ENHO: variants seen among roughly 807,000 people sequenced by gnomAD.
The protein encoded by ENHO is adropin.
Under a neutral mutation model 4.1 loss-of-function variants are expected in ENHO, and 5 were observed. The ratio of observed to expected loss-of-function variants is 1.23; its 90% CI spans 0.64 to 2.58. The LOEUF is 2.58. Ranked by LOEUF, ENHO falls within the 30% of genes most tolerant of loss-of-function variation. The pLI is 0.01. For missense variants in ENHO, 86 were observed against 97.7 expected, an observed-to-expected ratio of 0.88 and a Z score of 0.51; for synonymous variants, 45 against 42.9, an observed-to-expected ratio of 1.05 and a Z score of -0.19.
Position 34,521,678 on chromosome 9 carries a change from G to A in ENHO, c.18C>T (p.Ser6=), listed in dbSNP as rs1462342594. MGAAI[S]QGALIAIVCN... ...AGACGATGGCGATGAGGGCCCCCTG[G>A]GAGATGGCTGCCCCCATGACAGGCA... The change falls in exon 2 of 2, where the codon TCC becomes TCT. Residue 6 remains serine (S), a synonymous_variant. Coordinates refer to ENST00000399775, the MANE Select transcript of ENHO (RefSeq NM_198573.3). 6.2e-7 allele frequency: 1 copy of A among 1,613,758 alleles called. No individual in the cohort carries two copies.
Position 34,521,572 on chromosome 9 carries a change from C to A in ENHO, c.124G>T (p.Asp42Tyr). The A allele has an allele frequency of 6.2e-7, 1 of 1,614,016 alleles. No individual in the cohort carries two copies. The highest frequency in any genetic ancestry group is 1.1e-5 in the South Asian group (1 of 91,082). Residue 42 changes from aspartate (D) to tyrosine (Y), a missense_variant, in exon 2 of 2, where the codon GAC (aspartate) becomes TAC (tyrosine). Coordinates refer to ENST00000399775, the MANE Select transcript of ENHO (RefSeq NM_198573.3). Reference sequence around the variant, plus strand: ...TTGGGACTGGATTCAGAGAGAGAGTCAACGTCGGCAGAGCGAGAATGGCAG... The same window carrying A: ...TTGGGACTGGATTCAGAGAGAGAGTAAACGTCGGCAGAGCGAGAATGGCAG... ...WACHSRSADV[D>Y]SLSESSPNSS...
In ENHO at chr9:34,521,611, T is replaced by G. The variant is rs1211454653; in HGVS notation, c.85A>C (p.Ile29Leu). Residue 29 changes from isoleucine (I) to leucine (L), a missense_variant, in exon 2 of 2, where the codon ATC (isoleucine) becomes CTC (leucine). Transcript: ENST00000399775. ...CGAGAATGGCAGGCCCAGCAGAGGA[T>G]GACCCAGAGCAGCAGCAGCAAGAAG... The part of the protein sequence containing the change: ...VGFLLLLLWV[I>L]LCWACHSRSA... The G allele has an allele frequency of 6.2e-7, 1 of 1,613,728 alleles. No individual in the cohort carries two copies. The highest frequency in any genetic ancestry group is 2.2e-5 in the East Asian group (1 of 44,878).
chr9:34,521,914 TAGG>T, intron 1 of ENHO, 58 bp from the exon 2 acceptor site: 1 of 580,730 alleles, frequency 1.7e-6, no homozygotes, highest in Non-Finnish European at 3.1e-6. Context: ...GGGTGAGGCC[TAGG>T]AGGAGAGAGG....
At position 34,521,399 on chromosome 9, in the gene ENHO, G is replaced by A. The variant is rs767915634; in HGVS notation, c.*66C>T. 2.1e-6 allele frequency: 3 copies of A among 1,445,396 alleles called. No individual in the cohort carries two copies. The highest frequency in any genetic ancestry group is 1.7e-4 in the Middle Eastern group (1 of 5,726). 89.5% of individuals were successfully genotyped at this position (1,445,396 alleles called of 1,614,324 possible). On this transcript the variant is annotated 3_prime_UTR_variant, in exon 2 of 2. Transcript: ENST00000399775. Reference sequence around the variant, plus strand: ...GGACCCCAGGCTGGCTGAACTCTGGGATCCTAATTCCAGGCTCTAGGTGAG... The same window carrying A: ...GGACCCCAGGCTGGCTGAACTCTGGAATCCTAATTCCAGGCTCTAGGTGAG...
Position 34,521,673 on chromosome 9 carries a change from C to T in ENHO, c.23G>A (p.Gly8Glu). 6.2e-7 allele frequency: 1 copy of T among 1,613,902 alleles called. No individual in the cohort carries two copies. Residue 8 changes from glycine (G) to glutamate (E), a missense_variant, in exon 2 of 2, where the codon GGG becomes GAG. Transcript: ENST00000399775. ...GTTGCAGACGATGGCGATGAGGGCC[C>T]CCTGGGAGATGGCTGCCCCCATGAC... is the stretch of plus-strand genomic sequence containing the variant. The part of the protein sequence containing the change: MGAAISQ[G>E]ALIAIVCNGL...
Position 34,522,959 on chromosome 9 carries a change from G to A in ENHO, c.-344C>T, listed in dbSNP as rs1825302143. ...CTCCACCGGCCGCTCCCGCCGCGGC[G>A]CGACCGGGGCGGCCTCTGCCGCGGG... On this transcript the variant is annotated 5_prime_UTR_variant, in exon 1 of 2. Coordinates refer to ENST00000399775, the MANE Select transcript of ENHO (RefSeq NM_198573.3). This position sits in a 1 kb window ranked among gnomAD's most constrained non-coding sequence, Gnocchi z 4.2. 6.6e-6 allele frequency: 1 copy of A among 151,210 alleles called. No individual in the cohort carries two copies. Among genetic ancestry groups the A allele is most frequent in the Non-Finnish European group, 1.5e-5 (1 of 67,716 alleles). The allele number at this position is 151,210 out of a possible 1,614,324, so 9.4% of individuals were successfully genotyped here.
Position 34,521,556 on chromosome 9 carries a change from G to A in ENHO, c.140C>T (p.Ser47Phe). ...GGGGCCAGGGCTGGAGTTGGGACTG[G>A]ATTCAGAGAGAGAGTCAACGTCGGC... The part of the protein sequence containing the change: ...RSADVDSLSE[S>F]SPNSSPGPCP... The change falls in exon 2 of 2, where the codon TCC becomes TTC. Residue 47 changes from serine to phenylalanine, a missense_variant. Transcript: ENST00000399775. The A allele has an allele frequency of 6.2e-7, 1 of 1,614,044 alleles. No homozygotes were observed. The highest frequency in any genetic ancestry group is 2.2e-5 in the East Asian group (1 of 44,884).
At position 34,521,175 on chromosome 9, in the gene ENHO, C is replaced by G. The variant is rs749438308; in HGVS notation, c.*290G>C. On this transcript the variant is annotated 3_prime_UTR_variant, in exon 2 of 2. Coordinates refer to ENST00000399775, the MANE Select transcript of ENHO (RefSeq NM_198573.3). ...GCCTAGAGGGCCTAGAGGTGCTCAG[C>G]CTAGGGAAAGAGTGGACCCGGCCCC... 1.3e-4 allele frequency: 71 copies of G among 554,640 alleles called. No homozygotes were observed. Among genetic ancestry groups the G allele is most frequent in the Non-Finnish European group, 1.7e-4 (51 of 307,718 alleles). 34.4% of individuals were successfully genotyped at this position (554,640 alleles called of 1,614,324 possible). A position where few individuals can be genotyped will look rare whatever the true frequency, so the allele number is the denominator to read the frequency against.
In ENHO at chr9:34,521,709, C is replaced by T. The variant is rs1015838416; in HGVS notation, c.-14G>A. ...GGCTGCCCCCATGACAGGCAGCACC[C>T]TCAGACCAGCACAGACAGTGGAGCT... On this transcript the variant is annotated 5_prime_UTR_variant, in exon 2 of 2. Coordinates refer to ENST00000399775, the MANE Select transcript of ENHO (RefSeq NM_198573.3). 3 of 1,606,472 alleles carry T rather than the reference C, an allele frequency of 1.9e-6. No individual in the cohort carries two copies. In the African/African-American group the frequency reaches 4.0e-5, roughly 21 times the overall value.
intron 1 of ENHO, 103 bp from the exon 2 acceptor site, chr9:34,521,959 G>A (rs1444921849): frequency 1.4e-5 from 7 of 515,644 alleles, no homozygotes; most frequent in Non-Finnish European, 2.1e-5. Flanking sequence ...CACATTTCTG[G>A]CCTCCCTGGT....
rs377101194 is a variant in ENHO, at chr9:34,522,292, C to T, written c.-161-436G>A. The stretch of plus-strand genomic sequence containing the variant: ...AGCCCGACCAGGAGACCTCCAGAGG[C>T]GCCAGCTTGCACAGAGGGAACTTTG... On this transcript the variant is annotated intron_variant, in intron 1 of 1. Coordinates refer to ENST00000399775, the MANE Select transcript of ENHO (RefSeq NM_198573.3). The surrounding 1 kb of genome is among the most constrained non-coding windows in gnomAD (Gnocchi z 4.2). The T allele has an allele frequency of 6.6e-6, 1 of 152,622 alleles. No homozygotes were observed. Among genetic ancestry groups the T allele is most frequent in the South Asian group, 2.1e-4 (1 of 4,834 alleles). 9.5% of individuals were successfully genotyped at this position (152,622 alleles called of 1,614,324 possible). A position where few individuals can be genotyped will look rare whatever the true frequency, so the allele number is the denominator to read the frequency against.
Position 34,521,257 on chromosome 9 carries a change from C to G in ENHO, c.*208G>C, listed in dbSNP as rs778936646. ...CAGATGGCCCTGGCTCTAGCACCAACTCATAAGCCCCCACCCCAGGCCCAT... is the reference window on the plus strand; with the variant it reads ...CAGATGGCCCTGGCTCTAGCACCAAGTCATAAGCCCCCACCCCAGGCCCAT... On this transcript the variant is annotated 3_prime_UTR_variant, in exon 2 of 2. Coordinates refer to ENST00000399775, the MANE Select transcript of ENHO (RefSeq NM_198573.3). The G allele has an allele frequency of 1.4e-6, 1 of 689,754 alleles. No individual in the cohort carries two copies. The highest frequency in any genetic ancestry group is 1.5e-5 in the South Asian group (1 of 65,468). The allele number at this position is 689,754 out of a possible 1,614,324, so 42.7% of individuals were successfully genotyped here.
In ENHO at chr9:34,521,614, C is replaced by A; in HGVS notation, c.82G>T (p.Val28Phe). 6.2e-7 allele frequency: 1 copy of A among 1,613,976 alleles called. No homozygotes were observed. Among genetic ancestry groups the A allele is most frequent in the East Asian group, 2.2e-5 (1 of 44,884 alleles). Reference sequence around the variant, plus strand: ...GAATGGCAGGCCCAGCAGAGGATGACCCAGAGCAGCAGCAGCAAGAAGCCC... The same window carrying A: ...GAATGGCAGGCCCAGCAGAGGATGAACCAGAGCAGCAGCAGCAAGAAGCCC... ...LVGFLLLLLW[V>F]ILCWACHSRS... Residue 28 changes from valine (V) to phenylalanine (F), a missense_variant, in exon 2 of 2, where the codon GTC becomes TTC. Val to Phe is a conservative substitution (Grantham distance 50). Transcript: ENST00000399775.
rs1163549157 is a variant in ENHO at position 34,521,345 on chromosome 9, A to G, written c.*120T>C. ...GGCTAGACTCTGGGCCGCTGGGTCC[A>G]GCTCCAAGCAGGCGGACTCTTGAGT... On this transcript the variant is annotated 3_prime_UTR_variant, in exon 2 of 2. Coordinates refer to ENST00000399775, the MANE Select transcript of ENHO (RefSeq NM_198573.3). The G allele has an allele frequency of 1.0e-6, 1 of 961,960 alleles. No homozygotes were observed. The highest frequency in any genetic ancestry group is 1.4e-5 in the South Asian group (1 of 73,430). 59.6% of individuals were successfully genotyped at this position (961,960 alleles called of 1,614,324 possible).
rs372304076 is a variant in ENHO, at chr9:34,521,927, G to T, written c.-161-71C>A. Reference sequence around the variant, plus strand: ...TGGGGTGAGGCCTAGGAGGAGAGAGGTAGGGAAGAGAGCCTCCCTCCCACA... The same window carrying T: ...TGGGGTGAGGCCTAGGAGGAGAGAGTTAGGGAAGAGAGCCTCCCTCCCACA... On this transcript the variant is annotated intron_variant, in intron 1 of 1. Transcript: ENST00000399775. 7 of 561,778 alleles carry T rather than the reference G, an allele frequency of 1.2e-5. No individual in the cohort carries two copies. In the South Asian group the frequency reaches 1.5e-4, roughly 12 times the overall value. The allele number at this position is 561,778 out of a possible 1,614,324, so 34.8% of individuals were successfully genotyped here. A position where few individuals can be genotyped will look rare whatever the true frequency, so the allele number is the denominator to read the frequency against.
At position 34,521,657 on chromosome 9, in the gene ENHO, G is replaced by A. The variant is rs755930045; in HGVS notation, c.39C>T (p.Ile13=). 1.4e-5 allele frequency: 23 copies of A among 1,613,892 alleles called. No homozygotes were observed. The Admixed American group carries it at 2.7e-4, about 19-fold the overall frequency. The change falls in exon 2 of 2, where the codon ATC becomes ATT. Residue 13 remains isoleucine (I), a synonymous_variant. Transcript: ENST00000399775. ...AGAAGCCCACGAGACCGTTGCAGAC[G>A]ATGGCGATGAGGGCCCCCTGGGAGA... ...AAISQGALIA[I]VCNGLVGFLL... is the part of the protein sequence containing the mutation.
Position 34,521,445 on chromosome 9 carries a change from C to T in ENHO, c.*20G>A. On this transcript the variant is annotated 3_prime_UTR_variant, in exon 2 of 2. Coordinates refer to ENST00000399775, the MANE Select transcript of ENHO (RefSeq NM_198573.3). ...GTGAGGTGGACTTAGGTCCTGGGCT[C>T]CAGGCTAGGCCAGGGGCCTTCAGGG... is the stretch of plus-strand genomic sequence containing the variant. 1 of 1,604,198 alleles carries T rather than the reference C, an allele frequency of 6.2e-7. No homozygotes were observed. The highest frequency in any genetic ancestry group is 8.5e-7 in the Non-Finnish European group (1 of 1,174,498).
In ENHO at chr9:34,521,823, T is replaced by G. The variant is rs937515951; in HGVS notation, c.-128A>C. On this transcript the variant is annotated 5_prime_UTR_variant, in exon 2 of 2. Transcript: ENST00000399775. Reference sequence around the variant, plus strand: ...TGCTGTCTGCACGCTCAGTGATTCCTGGGCAGTGGAGATGTCTACCTGCAG... The same window carrying G: ...TGCTGTCTGCACGCTCAGTGATTCCGGGGCAGTGGAGATGTCTACCTGCAG... 3.9e-6 allele frequency: 3 copies of G among 778,702 alleles called. No homozygotes were observed. The highest frequency in any genetic ancestry group is 6.4e-6 in the Non-Finnish European group (3 of 472,090). The allele number at this position is 778,702 out of a possible 1,614,324, so 48.2% of individuals were successfully genotyped here.
chr9:34,521,285 C>T lies in ENHO; in HGVS notation c.*180G>A, dbSNP rs1293345160. ...ATAAGCCCCCACCCCAGGCCCATCT[C>T]CTTAGGGCCACTGAGCTCCTATTGG... On this transcript the variant is annotated 3_prime_UTR_variant, in exon 2 of 2. Transcript: ENST00000399775. 1 of 716,010 alleles carries T rather than the reference C, an allele frequency of 1.4e-6. No homozygotes were observed. Among genetic ancestry groups the T allele is most frequent in the Non-Finnish European group, 2.5e-6 (1 of 399,028 alleles). The allele number at this position is 716,010 out of a possible 1,614,324, so 44.4% of individuals were successfully genotyped here.
Sources: gnomAD v4.1 joint callset for allele counts on GRCh38, gnomAD v4.1.1 for gene constraint, Gnocchi (gnomAD v3.1) non-coding constraint, MANE v1.5 for transcripts, NCBI Gene and HGNC (gene_info 2026-07-23, HGNC 2026-07-21) for gene names.